Variants in TMPRSS11A observed in about 807,000 individuals in gnomAD.
TMPRSS11A encodes transmembrane protease serine 11A.
Under a neutral mutation model 58.9 loss-of-function variants are expected in TMPRSS11A, and 53 were observed. The observed-to-expected ratio is 0.90, with a 90% confidence interval of 0.72 to 1.13. The LOEUF is 1.13. TMPRSS11A is among the 50% of genes most tolerant of loss of function. The pLI, the probability that TMPRSS11A is intolerant of heterozygous loss-of-function variation, is 0.00. For missense variants in TMPRSS11A, 493 were observed against 499.3 expected, an observed-to-expected ratio of 0.99 and a Z score of 0.12; for synonymous variants, 167 against 169.8, an observed-to-expected ratio of 0.98 and a Z score of 0.13.
At chr4:67,944,205 G>A (rs1720945162) in intron 3 of TMPRSS11A, among the ~76,000 whole-genome samples, 1 of 152,084 alleles carries the variant, frequency 6.6e-6, no homozygotes, top group African/African-American at 2.4e-5. Flanking sequence ...GGGGAAACGT[G>A]GTGGAATTGG....
intron 1 of TMPRSS11A, among the ~76,000 whole-genome samples, chr4:67,959,420 C>A (rs1411000433): frequency 3.3e-5 from 5 of 152,146 alleles, no homozygotes; most frequent in African/African-American, 1.2e-4. Flanking sequence ...AGACAATCTA[C>A]AGAATCAGAG....
chr4:67,934,133 G>T (rs1335131745), intron 3 of TMPRSS11A, among the ~76,000 whole-genome samples: 1 of 152,056 alleles, frequency 6.6e-6, no homozygotes, highest in African/African-American at 2.4e-5. Context: ...AAAATTCTAG[G>T]ACTCTCTCTC....
chr4:67,944,779 T>G (rs1455932914), intron 2 of TMPRSS11A, 142 bp from the exon 3 acceptor site: 1 of 667,576 alleles, frequency 1.5e-6, no homozygotes, highest in Non-Finnish European at 2.5e-6. Flanking sequence ...ACAGTTAATG[T>G]TTTATATCAA....
In TMPRSS11A at chr4:67,911,312, C is replaced by T; in HGVS notation, c.*30G>A. The T allele has an allele frequency of 1.9e-6, 3 of 1,609,448 alleles. No homozygotes were observed. Among genetic ancestry groups the T allele is most frequent in the Non-Finnish European group, 2.5e-6 (3 of 1,176,824 alleles). On this transcript the variant is annotated 3_prime_UTR_variant, in exon 10 of 10. Coordinates refer to ENST00000508048, the MANE Select transcript of TMPRSS11A (RefSeq NM_001114387.2). ...TTCTCATGCATATATGACCTGCATA[C>T]AGCTTTCTTTGTTTAACTTTTATCG... is the stretch of plus-strand genomic sequence containing the variant.
At chr4:67,960,085 C>G (rs896663541) in intron 1 of TMPRSS11A, among the ~76,000 whole-genome samples, 5 of 152,124 alleles carry the variant, frequency 3.3e-5, no homozygotes, top group African/African-American at 1.2e-4. Context: ...ACCACATGCT[C>G]TCACCTATAA....
At chr4:67,923,997 A>G in intron 6 of TMPRSS11A, 131 bp downstream of exon 6, 1 of 824,440 alleles carries the variant, frequency 1.2e-6, no homozygotes, top group Non-Finnish European at 2.1e-6. Context: ...ATGTATTTAA[A>G]TCTATCGTAC....
At chr4:67,955,063 T>C (rs1225818570) in intron 1 of TMPRSS11A, among the ~76,000 whole-genome samples, 1 of 152,194 alleles carries the variant, frequency 6.6e-6, no homozygotes, top group East Asian at 1.9e-4. Context: ...GTAATTTTGA[T>C]GACAGTAGCA....
chr4:67,960,866 A>G (rs757952283), intron 1 of TMPRSS11A, among the ~76,000 whole-genome samples: 2 of 152,232 alleles, frequency 1.3e-5, no homozygotes, highest in African/African-American at 2.4e-5. Context: ...TTATTAAACA[A>G]TGCTGAAAAT....
In TMPRSS11A at chr4:67,944,506, T is replaced by C; in HGVS notation, c.252+13A>G. ...GCATTATTCTATGATAAAAAGAAGTTTACCTGACTCACCAAATTTTCGGTC... is the reference window on the plus strand; with the variant it reads ...GCATTATTCTATGATAAAAAGAAGTCTACCTGACTCACCAAATTTTCGGTC... On this transcript the variant is annotated intron_variant, in intron 3 of 9. Coordinates refer to ENST00000508048, the MANE Select transcript of TMPRSS11A (RefSeq NM_001114387.2). 1.2e-6 allele frequency: 2 copies of C among 1,606,322 alleles called. No homozygotes were observed. Among genetic ancestry groups the C allele is most frequent in the African/African-American group, 1.3e-5 (1 of 74,606 alleles).
Position 67,919,233 on chromosome 4 carries a change from C to T in TMPRSS11A, c.693-1G>A, listed in dbSNP as rs1560563737. ...AGTCCATTGATGTGGATTTTTATAC[C>T]TGGAAAAGGTTAGAAATTAACAGAA... On this transcript the variant is annotated splice_acceptor_variant, in intron 7 of 9. Transcript: ENST00000508048. LOFTEE classifies it high-confidence loss of function. 2 of 1,612,696 alleles carry T rather than the reference C, an allele frequency of 1.2e-6. No homozygotes were observed. Among genetic ancestry groups the T allele is most frequent in the African/African-American group, 1.3e-5 (1 of 74,664 alleles).
chr4:67,960,458 TCA>T, intron 1 of TMPRSS11A, among the ~76,000 whole-genome samples: 1 of 152,278 alleles, frequency 6.6e-6, no homozygotes, highest in Non-Finnish European at 1.5e-5. Flanking sequence ...GCTACTTTCT[TCA>T]CCTATAAAAT....
At chr4:67,939,417 G>A (rs1720827530) in intron 3 of TMPRSS11A, among the ~76,000 whole-genome samples, 1 of 152,082 alleles carries the variant, frequency 6.6e-6, no homozygotes, top group African/African-American at 2.4e-5. Flanking sequence ...TCTTTCTCCT[G>A]CTCGATTGCT....
chr4:67,911,747 G>A (rs1439629965), intron 9 of TMPRSS11A, among the ~76,000 whole-genome samples: 1 of 151,852 alleles, frequency 6.6e-6, no homozygotes, highest in Non-Finnish European at 1.5e-5. Context: ...AGGCAAAAAC[G>A]AAAAAACATG....
intron 2 of TMPRSS11A, among the ~76,000 whole-genome samples, chr4:67,945,914 A>AT (rs555780011): frequency 4.6e-5 from 7 of 152,110 alleles, no homozygotes; most frequent in African/African-American, 1.2e-4. Context: ...AAAGAGTAAA[A>AT]TTTTTTTTCT....
chr4:67,924,973 CTT>C (rs11286541), intron 5 of TMPRSS11A, among the ~76,000 whole-genome samples: 8,575 of 138,240 alleles, frequency 0.062, 216 homozygotes, highest in Middle Eastern at 0.088. Context: ...TCACATAAAT[CTT>C]TTTTTTTTTT....
intron 1 of TMPRSS11A, among the ~76,000 whole-genome samples, chr4:67,961,483 C>CTTTTTTTTTT (rs1553924063): frequency 1.4e-4 from 1 of 7,160 alleles, no homozygotes. Flanking sequence ...TTTTCTTTTC[C>CTTTTTTTTTT]TTTTTTTTTT....
intron 3 of TMPRSS11A, among the ~76,000 whole-genome samples, chr4:67,944,031 C>T (rs1054917724): frequency 1.3e-5 from 2 of 152,118 alleles, no homozygotes; most frequent in African/African-American, 4.8e-5. Context: ...AAATTATTAG[C>T]ATTTGACTTG....
At chr4:67,935,491 A>T (rs1038267023) in intron 3 of TMPRSS11A, among the ~76,000 whole-genome samples, 1 of 152,034 alleles carries the variant, frequency 6.6e-6, no homozygotes, top group Middle Eastern at 3.2e-3. Flanking sequence ...TATACCTTTT[A>T]TTCTTTAATG....
intron 1 of TMPRSS11A, among the ~76,000 whole-genome samples, chr4:67,954,626 TG>T (rs1236047453): frequency 6.6e-6 from 1 of 152,224 alleles, no homozygotes; most frequent in Non-Finnish European, 1.5e-5. Flanking sequence ...TAAATAGCAT[TG>T]AACTTAGACT....
Sources: gnomAD v4.1 joint callset for allele counts (sites outside exome capture counted in the v4.1 genomes callset) on GRCh38, gnomAD v4.1.1 for gene constraint, MANE v1.5 for transcripts, NCBI Gene and HGNC (gene_info 2026-07-23, HGNC 2026-07-21) for gene names.